Variants in FMN1 observed in about 807,000 individuals in gnomAD.
The protein encoded by FMN1 is formin 1, also known as formin-1.
Under a neutral mutation model 132.4 loss-of-function variants are expected in FMN1, and 110 were observed. The ratio of observed to expected loss-of-function variants is 0.83; its 90% CI spans 0.71 to 0.97. The LOEUF (loss-of-function observed/expected upper bound fraction) is 0.97, where lower values mean the gene tolerates loss of function less well. Ranked by LOEUF, FMN1 falls within the 50% of genes least tolerant of loss-of-function variation. The pLI, the probability that FMN1 is intolerant of heterozygous loss-of-function variation, is 0.00. For synonymous variants in FMN1, 722 were observed against 651.7 expected (o/e 1.11, Z -1.64); for missense variants, 1,792 against 1,705.3 (o/e 1.05, Z -0.90).
intron 18 of FMN1, among the ~76,000 whole-genome samples, chr15:32,803,236 C>T (rs1406298732): frequency 1.3e-5 from 2 of 152,230 alleles, no homozygotes; most frequent in Non-Finnish European, 2.9e-5. Context: ...TGTCTCCTAC[C>T]TCTACCTGTC....
intron 17 of FMN1, among the ~76,000 whole-genome samples, chr15:32,852,195 CCTCA>C (rs897943485): frequency 1.3e-5 from 2 of 152,160 alleles, no homozygotes; most frequent in African/African-American, 2.4e-5. Context: ...CTAAAGTTGA[CCTCA>C]CTGTCTTCCA....
chr15:32,938,546 T>G (rs1249855983), intron 9 of FMN1, among the ~76,000 whole-genome samples: 1 of 152,022 alleles, frequency 6.6e-6, no homozygotes, highest in Non-Finnish European at 1.5e-5. Flanking sequence ...TGTTCCAAAT[T>G]TTGTCAATTG....
intron 17 of FMN1, among the ~76,000 whole-genome samples, chr15:32,805,350 G>T (rs1402439063): frequency 2.0e-5 from 3 of 152,060 alleles, no homozygotes; most frequent in African/African-American, 7.2e-5. Context: ...CTTTTCGATG[G>T]GGTTGTTTTT....
At chr15:32,997,069 T>TAG (rs2033814798) in intron 7 of FMN1, among the ~76,000 whole-genome samples, 1 of 152,334 alleles carries the variant, frequency 6.6e-6, no homozygotes, top group East Asian at 1.9e-4. Flanking sequence ...TTAACTTCTA[T>TAG]GAGATTCAGG....
intron 17 of FMN1, among the ~76,000 whole-genome samples, chr15:32,842,168 C>T (rs1024695143): frequency 6.6e-6 from 1 of 152,124 alleles, no homozygotes; most frequent in African/African-American, 2.4e-5. Flanking sequence ...ATTTCTTTTC[C>T]TTGGAACATT....
chr15:32,765,762 C>T lies in FMN1; in HGVS notation c.*8548G>A, dbSNP rs2056025120. 1 of 151,984 alleles carries T rather than the reference C, an allele frequency of 6.6e-6. No homozygotes were observed. The highest frequency in any genetic ancestry group is 2.4e-5 in the African/African-American group (1 of 41,376). The allele number at this position is 151,984 out of a possible 1,614,324, so 9.4% of individuals were successfully genotyped here. On this transcript the variant is annotated 3_prime_UTR_variant, in exon 21 of 21. Transcript: ENST00000616417. ...AATATATATTATGTACAAAAATACA[C>T]TTGATATTGTGACCAAGTACTGTCA...
At chr15:32,854,590 T>C (rs905633154) in intron 17 of FMN1, among the ~76,000 whole-genome samples, 1 of 152,238 alleles carries the variant, frequency 6.6e-6, no homozygotes, top group African/African-American at 2.4e-5. Flanking sequence ...GCTGATGAGC[T>C]GATTGTCACT....
In FMN1 at chr15:33,090,922, TG is replaced by T. The variant is rs1371346853; in HGVS notation, c.1868-1949del. On this transcript the variant is annotated intron_variant, in intron 4 of 20. Coordinates refer to ENST00000616417, the MANE Select transcript of FMN1 (RefSeq NM_001277313.2). Reference sequence around the variant, plus strand: ...CTATTTATATGGCTCATCCTCCTCCTGGACTATTTCTATTCACCTTTGGCAT... The same window carrying T: ...CTATTTATATGGCTCATCCTCCTCCTGACTATTTCTATTCACCTTTGGCAT... Among the ~76,000 whole-genome samples, 5 of 152,288 alleles carry T rather than the reference TG, an allele frequency of 3.3e-5. No individual in the cohort carries two copies. The East Asian group carries it at 9.6e-4, about 29-fold the overall frequency.
intron 15 of FMN1, among the ~76,000 whole-genome samples, chr15:32,894,739 A>G (rs980423244): frequency 2.6e-5 from 4 of 151,850 alleles, no homozygotes; most frequent in Non-Finnish European, 5.9e-5. Flanking sequence ...TACAAAAGTG[A>G]TACATGTTCA....
intron 6 of FMN1, among the ~76,000 whole-genome samples, chr15:33,023,648 G>T (rs1274854059): frequency 1.3e-5 from 2 of 152,142 alleles, no homozygotes; most frequent in Non-Finnish European, 2.9e-5. Flanking sequence ...ATAATTAATT[G>T]AAAGTGCAGC....
intron 13 of FMN1, among the ~76,000 whole-genome samples, chr15:32,900,615 C>A (rs963416434): frequency 6.6e-6 from 1 of 152,194 alleles, no homozygotes; most frequent in Admixed American, 6.5e-5. Context: ...ATTTTCAGAG[C>A]TAAACTACAA....
chr15:32,868,414 G>A (rs79334391), intron 16 of FMN1, among the ~76,000 whole-genome samples: 23 of 152,258 alleles, frequency 1.5e-4, no homozygotes, highest in Admixed American at 1.1e-3. Context: ...GATTTGTAGC[G>A]TAGACGCCAT....
intron 6 of FMN1, among the ~76,000 whole-genome samples, chr15:33,011,100 C>A (rs1196981546): frequency 6.6e-6 from 1 of 152,088 alleles, no homozygotes; most frequent in East Asian, 1.9e-4. Context: ...CCAAGGAATG[C>A]ATGAAAATAT....
Position 32,770,547 on chromosome 15 carries a change from C to T in FMN1, c.*3763G>A, listed in dbSNP as rs578151758. The T allele has an allele frequency of 1.3e-5, 2 of 152,342 alleles. No homozygotes were observed. The highest frequency in any genetic ancestry group is 2.4e-5 in the African/African-American group (1 of 41,590). The allele number at this position is 152,342 out of a possible 1,614,324, so 9.4% of individuals were successfully genotyped here. A position where few individuals can be genotyped will look rare whatever the true frequency, so the allele number is the denominator to read the frequency against. On this transcript the variant is annotated 3_prime_UTR_variant, in exon 21 of 21. Coordinates refer to ENST00000616417, the MANE Select transcript of FMN1 (RefSeq NM_001277313.2). ...TTACTGGAGGTGTTAATACCACCAA[C>T]ATATTTTATTCCTTCCTTCAGTTTT... is the stretch of plus-strand genomic sequence containing the variant.
intron 4 of FMN1, among the ~76,000 whole-genome samples, chr15:33,097,712 C>G (rs1032960016): frequency 6.6e-6 from 1 of 152,128 alleles, no homozygotes. Context: ...ACATAACATG[C>G]CTACATTTTC....
chr15:33,130,187 C>A (rs1451202341), intron 4 of FMN1, among the ~76,000 whole-genome samples: 5 of 152,130 alleles, frequency 3.3e-5, no homozygotes, highest in African/African-American at 7.2e-5. Flanking sequence ...TCCTCTTATG[C>A]CAGTTAAGAT....
At chr15:32,969,980 G>A (rs890154545) in intron 7 of FMN1, among the ~76,000 whole-genome samples, 1 of 152,164 alleles carries the variant, frequency 6.6e-6, no homozygotes, top group Non-Finnish European at 1.5e-5. Flanking sequence ...GAAAGCAAGG[G>A]AAGAAGCCAC....
intron 9 of FMN1, among the ~76,000 whole-genome samples, chr15:32,952,713 C>A (rs918043196): frequency 1.3e-5 from 2 of 152,210 alleles, no homozygotes; most frequent in African/African-American, 4.8e-5. Flanking sequence ...CTCCTTCTCA[C>A]CTCCTAAGAT....
At chr15:32,867,485 A>T (rs1057172467) in intron 16 of FMN1, among the ~76,000 whole-genome samples, 1 of 149,468 alleles carries the variant, frequency 6.7e-6, no homozygotes, top group African/African-American at 2.5e-5. Flanking sequence ...CATCATTACG[A>T]CCTCAGCTCA....
Sources: gnomAD v4.1 joint callset for allele counts (sites outside exome capture counted in the v4.1 genomes callset) on GRCh38, gnomAD v4.1.1 for gene constraint, MANE v1.5 for transcripts, NCBI Gene and HGNC (gene_info 2026-07-23, HGNC 2026-07-21) for gene names.